The following LRMDA variants were observed in gnomAD, a reference collection of about 807,000 sequenced individuals.
LRMDA encodes leucine-rich melanocyte differentiation-associated protein.
LRMDA carries 18 observed loss-of-function variants against 29.8 expected under a neutral mutation model. That is an observed-to-expected ratio of 0.60 (90% CI 0.42 to 0.90). LRMDA has a LOEUF of 0.90. Ranked by LOEUF, LRMDA falls within the 40% of genes least tolerant of loss-of-function variation. The probability of loss-of-function intolerance (pLI) is 0.00; values close to 1 mark genes in which losing one functional copy is unlikely to be tolerated. For missense variants in LRMDA, 273 were observed against 273.9 expected, an observed-to-expected ratio of 1.00 and a Z score of 0.02; for synonymous variants, 125 against 109.4, an observed-to-expected ratio of 1.14 and a Z score of -0.89.
At chr10:76,541,317 A>G (rs565940926) in intron 6 of LRMDA, among the ~76,000 whole-genome samples, 48 of 152,238 alleles carry the variant, frequency 3.2e-4, no homozygotes, top group Non-Finnish European at 5.7e-4. Context: ...CCTAGCCAAC[A>G]TGCCAAAACC....
chr10:76,536,994 C>G (rs1053535101), intron 6 of LRMDA, among the ~76,000 whole-genome samples: 10 of 152,078 alleles, frequency 6.6e-5, no homozygotes, highest in Non-Finnish European at 1.5e-4. Context: ...TTCTTTCTTC[C>G]CTTGCATCTA....
intron 5 of LRMDA, among the ~76,000 whole-genome samples, chr10:76,109,096 G>A (rs1044856216): frequency 4.6e-5 from 7 of 152,136 alleles, no homozygotes; most frequent in Non-Finnish European, 1.0e-4. Context: ...TCGCTGAGAG[G>A]TCATGACCTC....
intron 6 of LRMDA, among the ~76,000 whole-genome samples, chr10:76,433,000 G>T (rs905448761): frequency 6.6e-6 from 1 of 152,172 alleles, no homozygotes; most frequent in African/African-American, 2.4e-5. Flanking sequence ...GACTGCTGGC[G>T]GATGAATTGG....
At chr10:76,157,793 T>C (rs1850566359) in intron 5 of LRMDA, among the ~76,000 whole-genome samples, 1 of 152,002 alleles carries the variant, frequency 6.6e-6, no homozygotes, top group Admixed American at 6.6e-5. Flanking sequence ...TAGATGAAAT[T>C]AGGTGATTTT....
intron 5 of LRMDA, among the ~76,000 whole-genome samples, chr10:76,076,828 A>C (rs1848968136): frequency 6.6e-6 from 1 of 152,162 alleles, no homozygotes. Flanking sequence ...GGTCGGGCAG[A>C]CAACAAACAA....
At chr10:76,033,061 C>T (rs546919735) in intron 2 of LRMDA, among the ~76,000 whole-genome samples, 1 of 151,832 alleles carries the variant, frequency 6.6e-6, no homozygotes, top group Non-Finnish European at 1.5e-5. Flanking sequence ...GTAAAAATAA[C>T]AGTAAAAAAA....
intron 5 of LRMDA, among the ~76,000 whole-genome samples, chr10:76,130,251 C>T (rs982767040): frequency 2.6e-5 from 4 of 151,918 alleles, no homozygotes; most frequent in Admixed American, 6.6e-5. Context: ...CACCTCTAGC[C>T]GTAAATATTC....
intron 5 of LRMDA, among the ~76,000 whole-genome samples, chr10:76,192,462 G>A (rs561541001): frequency 6.6e-6 from 1 of 152,258 alleles, no homozygotes; most frequent in South Asian, 2.1e-4. Flanking sequence ...AACTTCTTGA[G>A]TTTGAGTAAT....
intron 2 of LRMDA, among the ~76,000 whole-genome samples, chr10:75,781,776 T>C (rs961051720): frequency 1.3e-5 from 2 of 152,220 alleles, no homozygotes; most frequent in East Asian, 3.8e-4. Flanking sequence ...TATTCATAAC[T>C]AATTCTGCGA....
intron 6 of LRMDA, among the ~76,000 whole-genome samples, chr10:76,544,395 A>G (rs1843394577): frequency 6.6e-6 from 1 of 152,122 alleles, no homozygotes; most frequent in Non-Finnish European, 1.5e-5. Context: ...CATTCTAGGG[A>G]CAGATAACAC....
intron 6 of LRMDA, among the ~76,000 whole-genome samples, chr10:76,444,940 T>A (rs957472935): frequency 6.6e-6 from 1 of 152,150 alleles, no homozygotes; most frequent in Non-Finnish European, 1.5e-5. Context: ...CATGTGTACA[T>A]ATATATGTAT....
chr10:75,478,670 G>A (rs1325126254), intron 2 of LRMDA, among the ~76,000 whole-genome samples: 1 of 152,170 alleles, frequency 6.6e-6, no homozygotes, highest in African/African-American at 2.4e-5. Context: ...CCCTTGAAAT[G>A]AAATGGCAAT....
chr10:75,927,258 C>A (rs1298968474), intron 2 of LRMDA, among the ~76,000 whole-genome samples: 1 of 152,166 alleles, frequency 6.6e-6, no homozygotes, highest in Admixed American at 6.5e-5. Flanking sequence ...ATCCATTGGT[C>A]CTTTTCCTAA....
rs190970833 is a variant in LRMDA, at chr10:76,061,463, C to T, written c.516+2680C>T. Among the ~76,000 whole-genome samples the T allele has an allele frequency of 8.5e-5, 13 of 152,140 alleles. No homozygotes were observed. The East Asian group carries it at 2.3e-3, about 27-fold the overall frequency. ...TATGAAATAATCTCTACAACAAACC[C>T]CCGTGACACAAGTTTACCTATGTAA... On this transcript the variant is annotated intron_variant, in intron 5 of 6. Transcript: ENST00000611255.
chr10:76,061,202 C>T (rs112063001), intron 5 of LRMDA, among the ~76,000 whole-genome samples: 3,157 of 152,162 alleles, frequency 0.021, 124 homozygotes, highest in African/African-American at 0.072. Flanking sequence ...TACAAAAGAA[C>T]GAGATCATAT....
chr10:76,410,901 G>A (rs950785958), intron 6 of LRMDA, among the ~76,000 whole-genome samples: 6 of 152,016 alleles, frequency 3.9e-5, no homozygotes, highest in Non-Finnish European at 5.9e-5. Context: ...AGCCGAGATC[G>A]CACCATTGCA....
chr10:75,481,151 G>A (rs960677628), intron 2 of LRMDA, among the ~76,000 whole-genome samples: 1 of 152,120 alleles, frequency 6.6e-6, no homozygotes, highest in Admixed American at 6.5e-5. Flanking sequence ...AGTCTCAGAA[G>A]GAATCAGAAT....
intron 5 of LRMDA, among the ~76,000 whole-genome samples, chr10:76,209,640 T>C (rs1851601077): frequency 6.6e-6 from 1 of 152,220 alleles, no homozygotes; most frequent in Non-Finnish European, 1.5e-5. Flanking sequence ...TGATCTCTTC[T>C]AAAGTGTCTT....
At chr10:76,348,536 G>A (rs942672529) in intron 6 of LRMDA, among the ~76,000 whole-genome samples, 3 of 152,172 alleles carry the variant, frequency 2.0e-5, no homozygotes, top group African/African-American at 2.4e-5. Flanking sequence ...ATGTGAAGAC[G>A]ATTGCATTAA....
Sources: gnomAD v4.1 joint callset for allele counts (sites outside exome capture counted in the v4.1 genomes callset) on GRCh38, gnomAD v4.1.1 for gene constraint, MANE v1.5 for transcripts, NCBI Gene and HGNC (gene_info 2026-07-23, HGNC 2026-07-21) for gene names.